LGR4: variants seen among roughly 807,000 people sequenced by gnomAD.
The protein encoded by LGR4 is leucine rich repeat containing G protein-coupled receptor 4.
A neutral mutation model predicts 84.8 loss-of-function variants in LGR4; 44 were observed. That is an observed-to-expected ratio of 0.52 (90% confidence interval 0.41 to 0.67). LGR4 has a LOEUF of 0.67. Among genes scored for constraint, LGR4 ranks in the 30% least tolerant of loss-of-function variants. The pLI is 0.00. For synonymous variants in LGR4, 429 were observed against 434.3 expected (o/e 0.99, Z 0.15); for missense variants, 1,032 against 1,131.4 (o/e 0.91, Z 1.26).
intron 1 of LGR4, among the ~76,000 whole-genome samples, chr11:27,445,578 C>T (rs1046041227): frequency 6.6e-6 from 1 of 152,098 alleles, no homozygotes; most frequent in African/African-American, 2.4e-5. Context: ...TACAGCAGCA[C>T]ACTTAGAAGT....
intron 1 of LGR4, among the ~76,000 whole-genome samples, chr11:27,458,602 G>C (rs545671610): frequency 6.6e-6 from 1 of 151,414 alleles, no homozygotes; most frequent in Non-Finnish European, 1.5e-5. Context: ...GCAATGGCAC[G>C]ATCTCAGCTT....
chr11:27,463,067 CAAAAAAAAAAAAA>C (rs35718980), intron 1 of LGR4, among the ~76,000 whole-genome samples: 4 of 51,038 alleles, frequency 7.8e-5, no homozygotes, highest in Non-Finnish European at 9.4e-5. Flanking sequence ...ACCCTGTCTC[CAAAAAAAAAAAAA>C]AAAAAAAAAA....
At chr11:27,410,611 A>G (rs1278740503) in intron 2 of LGR4, among the ~76,000 whole-genome samples, 1 of 152,128 alleles carries the variant, frequency 6.6e-6, no homozygotes, top group Non-Finnish European at 1.5e-5. Context: ...GAAAAAGCAT[A>G]GGCTTTTTAT....
At chr11:27,423,626 T>C (rs1372880286) in intron 1 of LGR4, among the ~76,000 whole-genome samples, 1 of 152,230 alleles carries the variant, frequency 6.6e-6, no homozygotes, top group Non-Finnish European at 1.5e-5. Flanking sequence ...CTAGAAATAT[T>C]CCCTTGGGAA....
intron 1 of LGR4, among the ~76,000 whole-genome samples, chr11:27,418,453 G>A (rs1247821500): frequency 6.6e-6 from 1 of 152,152 alleles, no homozygotes; most frequent in African/African-American, 2.4e-5. Context: ...ACTACAAACA[G>A]TTTTGAGCAG....
At chr11:27,448,506 G>A (rs542438525) in intron 1 of LGR4, among the ~76,000 whole-genome samples, 2 of 152,008 alleles carry the variant, frequency 1.3e-5, no homozygotes, top group South Asian at 2.1e-4. Context: ...TGGTCAGGCT[G>A]GTCTCGAACT....
intron 1 of LGR4, among the ~76,000 whole-genome samples, chr11:27,434,493 G>T (rs942995977): frequency 6.6e-6 from 1 of 152,154 alleles, no homozygotes; most frequent in African/African-American, 2.4e-5. Flanking sequence ...TGAAGTAGAG[G>T]CCTGTGGTCT....
chr11:27,441,866 A>T lies in LGR4; in HGVS notation c.186-29006T>A, dbSNP rs114070675. ...GGGAGAGGATGGCAGAAATCATAAGATCATGAACTTGGCACCCAATCCTCC... is the reference window on the plus strand; with the variant it reads ...GGGAGAGGATGGCAGAAATCATAAGTTCATGAACTTGGCACCCAATCCTCC... On this transcript the variant is annotated intron_variant, in intron 1 of 17. Transcript: ENST00000379214. 1.4e-3 allele frequency among the ~76,000 whole-genome samples: 213 copies of T among 152,302 alleles called. 1 individual carries two copies. The highest frequency in any genetic ancestry group is 4.8e-3 in the African/African-American group (198 of 41,562).
intron 2 of LGR4, among the ~76,000 whole-genome samples, chr11:27,409,072 T>C (rs2133394466): frequency 6.6e-6 from 1 of 151,952 alleles, no homozygotes; most frequent in Non-Finnish European, 1.5e-5. Context: ...AGAAGCAGGA[T>C]TGGAAAAAGA....
chr11:27,446,444 T>C (rs1200889546), intron 1 of LGR4, among the ~76,000 whole-genome samples: 1 of 152,192 alleles, frequency 6.6e-6, no homozygotes, highest in Non-Finnish European at 1.5e-5. Flanking sequence ...ATTCTCATCA[T>C]CACTGGCCAT....
At chr11:27,392,565 G>T in intron 2 of LGR4, 47 bp from the exon 3 acceptor site, 1 of 1,467,542 alleles carries the variant, frequency 6.8e-7, no homozygotes, top group Non-Finnish European at 9.2e-7. Context: ...TAGTAATTCA[G>T]ACTTAAAATT....
At position 27,393,655 on chromosome 11, in the gene LGR4, T is replaced by A. The variant is rs574145150; in HGVS notation, c.258-1137A>T. On this transcript the variant is annotated intron_variant, in intron 2 of 17. Coordinates refer to ENST00000379214, the MANE Select transcript of LGR4 (RefSeq NM_018490.5). ...ACTCTGCATCCCTAAGCCTTATTCA[T>A]TAATTCATTCATTAATTTAAAAATG... Among the ~76,000 whole-genome samples, 5 of 152,226 alleles carry A rather than the reference T, an allele frequency of 3.3e-5. No homozygotes were observed. In the South Asian group the frequency reaches 1.0e-3, roughly 32 times the overall value.
intron 1 of LGR4, among the ~76,000 whole-genome samples, chr11:27,432,219 A>C (rs1007619524): frequency 6.6e-6 from 1 of 152,178 alleles, no homozygotes. Flanking sequence ...TCCTTCCCAC[A>C]GTTTCCTACT....
Position 27,382,084 on chromosome 11 carries a change from T to G in LGR4, c.758+104A>C, listed in dbSNP as rs890217938. On this transcript the variant is annotated intron_variant, in intron 7 of 17. Coordinates refer to ENST00000379214, the MANE Select transcript of LGR4 (RefSeq NM_018490.5). ...TTTGTGTGTTTGTGTGCATGTATTA[T>G]GGATATACGTAATGGAACAAGATGT... is the stretch of plus-strand genomic sequence containing the variant. 3 of 752,950 alleles carry G rather than the reference T, an allele frequency of 4.0e-6. No homozygotes were observed. In the South Asian group the frequency reaches 5.0e-5, roughly 13 times the overall value. 46.6% of individuals were successfully genotyped at this position (752,950 alleles called of 1,614,324 possible). A position where few individuals can be genotyped will look rare whatever the true frequency, so the allele number is the denominator to read the frequency against.
At chr11:27,440,710 C>T (rs1414816726) in intron 1 of LGR4, among the ~76,000 whole-genome samples, 1 of 152,140 alleles carries the variant, frequency 6.6e-6, no homozygotes, top group Admixed American at 6.5e-5. Context: ...AACATACTCA[C>T]ATGGAACTGT....
At chr11:27,416,812 A>G (rs1273744506) in intron 1 of LGR4, among the ~76,000 whole-genome samples, 1 of 152,240 alleles carries the variant, frequency 6.6e-6, no homozygotes, top group Non-Finnish European at 1.5e-5. Flanking sequence ...TAAAGGGTGC[A>G]ACTGTTTAAT....
intron 1 of LGR4, among the ~76,000 whole-genome samples, chr11:27,444,931 A>C (rs965066074): frequency 6.6e-5 from 10 of 152,210 alleles, no homozygotes; most frequent in Non-Finnish European, 1.0e-4. Flanking sequence ...CTCAGAGAAC[A>C]AATACCTAAC....
intron 1 of LGR4, among the ~76,000 whole-genome samples, chr11:27,440,256 G>A (rs1313082950): frequency 6.6e-6 from 1 of 152,076 alleles, no homozygotes; most frequent in Non-Finnish European, 1.5e-5. Flanking sequence ...GGGGTGTGGA[G>A]AGGCACGGAG....
intron 13 of LGR4, among the ~76,000 whole-genome samples, chr11:27,375,278 A>G (rs1003250246): frequency 3.4e-5 from 5 of 147,364 alleles, no homozygotes; most frequent in Admixed American, 2.8e-4. Flanking sequence ...CTGAGCGACA[A>G]GAGTGAGAGA....
Sources: allele counts gnomAD v4.1 joint callset (sites outside exome capture counted in the v4.1 genomes callset), GRCh38; gene constraint gnomAD v4.1.1; transcripts MANE v1.5; gene names NCBI Gene and HGNC (gene_info 2026-07-23, HGNC 2026-07-21).